The following PIP5K1A variants were observed in gnomAD, a reference collection of about 807,000 sequenced individuals.
The protein encoded by PIP5K1A is phosphatidylinositol-4-phosphate 5-kinase type 1 alpha, also known as phosphatidylinositol 4-phosphate 5-kinase type-1 alpha.
A neutral mutation model predicts 72.9 loss-of-function variants in PIP5K1A; 46 were observed. That is an observed-to-expected ratio of 0.63 (90% CI 0.50 to 0.81). PIP5K1A has a LOEUF of 0.81. Ranked by LOEUF, PIP5K1A falls within the 30% of genes least tolerant of loss-of-function variation. The pLI, the probability that PIP5K1A is intolerant of heterozygous loss-of-function variation, is 0.00. For missense variants in PIP5K1A, 458 were observed against 706.1 expected (o/e 0.65, Z 3.98); for synonymous variants, 228 against 255.1 (o/e 0.89, Z 1.01).
chr1:151,212,168 T>C (rs992614048), intron 1 of PIP5K1A, among the ~76,000 whole-genome samples: 2 of 152,010 alleles, frequency 1.3e-5, no homozygotes, highest in Non-Finnish European at 2.9e-5. Context: ...TTAAACATCT[T>C]TGTGGCTGGT....
upstream of PIP5K1A, among the ~76,000 whole-genome samples, chr1:151,197,789 T>A (rs908336741): frequency 6.6e-6 from 1 of 152,240 alleles, no homozygotes; most frequent in Non-Finnish European, 1.5e-5. Context: ...TTTTACAGTC[T>A]GCTCAGAGAG....
intron 8 of PIP5K1A, among the ~76,000 whole-genome samples, chr1:151,235,294 G>T (rs891776054): frequency 6.6e-6 from 1 of 151,940 alleles, no homozygotes; most frequent in Non-Finnish European, 1.5e-5. Flanking sequence ...CGTTGGTCCC[G>T]CTGGTTTCAA....
Position 151,208,719 on chromosome 1 carries a change from C to CTTTTTTT in PIP5K1A, c.85+9662_85+9668dup, listed in dbSNP as rs61545057. Among the ~76,000 whole-genome samples the CTTTTTTT allele has an allele frequency of 2.1e-3, 92 of 43,166 alleles. 22 individuals are homozygous for CTTTTTTT. Among genetic ancestry groups the CTTTTTTT allele is most frequent in the Non-Finnish European group, 3.5e-3 (80 of 23,044 alleles). The allele number at this position is 43,166 out of a possible 152,430, so 28.3% of individuals were successfully genotyped here. On this transcript the variant is annotated intron_variant, in intron 1 of 15. Transcript: ENST00000368888. The stretch of plus-strand genomic sequence containing the variant: ...TTATTAAGGATGTTGTAATGGTACG[C>CTTTTTTT]TTTTTTTTTTTTTTTTTTTTTTTTT...
intron 1 of PIP5K1A, 188 bp downstream of exon 1, chr1:151,199,269 G>A: frequency 8.2e-7 from 1 of 1,226,892 alleles, no homozygotes; most frequent in Non-Finnish European, 1.1e-6. Flanking sequence ...TGATTAAGAA[G>A]TTGTCGAAAA....
At chr1:151,219,850 CCTTTTTT>C (rs1202447636) in intron 1 of PIP5K1A, among the ~76,000 whole-genome samples, 1 of 97,834 alleles carries the variant, frequency 1.0e-5, no homozygotes, top group African/African-American at 3.8e-5. Context: ...CATATTCTTT[CCTTTTTT>C]TTTTTTTTTT....
chr1:151,204,356 T>C (rs918498127), intron 1 of PIP5K1A, among the ~76,000 whole-genome samples: 21 of 152,340 alleles, frequency 1.4e-4, no homozygotes, highest in Admixed American at 1.2e-3. Context: ...TTTGTATTTT[T>C]AGTAGAGACG....
At chr1:151,225,896 C>T (rs771541549) in intron 3 of PIP5K1A, among the ~76,000 whole-genome samples, 8 of 151,376 alleles carry the variant, frequency 5.3e-5, no homozygotes, top group Non-Finnish European at 1.0e-4. Flanking sequence ...CCCGCCTCAG[C>T]CTCCTGAGTA....
intron 1 of PIP5K1A, among the ~76,000 whole-genome samples, chr1:151,209,437 ATTTT>A (rs34643257): frequency 1.7e-5 from 2 of 118,196 alleles, no homozygotes. Context: ...TGCCTGGCTA[ATTTT>A]TTTTTTTTTT....
At chr1:151,231,841 G>T in intron 5 of PIP5K1A, 40 bp downstream of exon 5, 1 of 1,606,034 alleles carries the variant, frequency 6.2e-7, no homozygotes, top group Non-Finnish European at 8.5e-7. Context: ...CTGGAAATGT[G>T]GCCTTTTCAA....
chr1:151,238,298 G>A lies in PIP5K1A; in HGVS notation c.1229+33G>A, dbSNP rs766714398. 12 of 1,352,644 alleles carry A rather than the reference G, an allele frequency of 8.9e-6. No individual in the cohort carries two copies. The African/African-American group carries it at 1.7e-4, about 19-fold the overall frequency. The allele number at this position is 1,352,644 out of a possible 1,614,324, so 83.8% of individuals were successfully genotyped here. A position where few individuals can be genotyped will look rare whatever the true frequency, so the allele number is the denominator to read the frequency against. On this transcript the variant is annotated intron_variant, in intron 10 of 15. Transcript: ENST00000368888. ...GCATATGGATCCCAAATTAAGAGAG[G>A]GTGGATACAGATAACCAGTCACGTT... is the stretch of plus-strand genomic sequence containing the variant.
intron 3 of PIP5K1A, among the ~76,000 whole-genome samples, chr1:151,225,654 G>A (rs1399160024): frequency 6.6e-6 from 1 of 151,426 alleles, no homozygotes; most frequent in Non-Finnish European, 1.5e-5. Flanking sequence ...ATTTTTAGTA[G>A]AGGCAGGGTT....
chr1:151,218,796 G>T (rs1243477697), intron 1 of PIP5K1A, among the ~76,000 whole-genome samples: 2 of 130,880 alleles, frequency 1.5e-5, no homozygotes, highest in Non-Finnish European at 3.1e-5. Context: ...TCACACTACT[G>T]CACTCCAGCC....
At chr1:151,204,248 C>T (rs1259205917) in intron 1 of PIP5K1A, among the ~76,000 whole-genome samples, 1 of 152,174 alleles carries the variant, frequency 6.6e-6, no homozygotes, top group Non-Finnish European at 1.5e-5. Context: ...GCGATCTCGG[C>T]TCACTGTAAC....
intron 4 of PIP5K1A, among the ~76,000 whole-genome samples, chr1:151,230,565 A>G (rs924840830): frequency 2.0e-5 from 3 of 151,602 alleles, no homozygotes; most frequent in Admixed American, 2.0e-4. Context: ...TTTTTTTGAG[A>G]CAGTCTGGCT....
intron 1 of PIP5K1A, among the ~76,000 whole-genome samples, chr1:151,209,516 C>T (rs1251520459): frequency 1.3e-5 from 2 of 151,476 alleles, no homozygotes; most frequent in Non-Finnish European, 2.9e-5. Context: ...CTCTGCTCAC[C>T]GCAACCTCTG....
intron 1 of PIP5K1A, chr1:151,213,683 T>C (rs1416002640): frequency 1.3e-5 from 2 of 152,270 alleles, no homozygotes; most frequent in Non-Finnish European, 2.9e-5. Context: ...TATTTTTTCT[T>C]GTTCCTTATC....
chr1:151,197,404 G>T (rs1304210175), upstream of PIP5K1A, among the ~76,000 whole-genome samples: 4 of 151,594 alleles, frequency 2.6e-5, no homozygotes, highest in Non-Finnish European at 5.9e-5. Flanking sequence ...CCAGGCTCCC[G>T]AGTAGCCTGG....
At chr1:151,202,260 T>G (rs1264877972) in intron 1 of PIP5K1A, among the ~76,000 whole-genome samples, 7 of 152,182 alleles carry the variant, frequency 4.6e-5, no homozygotes. Flanking sequence ...ATTTCAGAGT[T>G]TCACCAAAAC....
chr1:151,231,615 ATTG>A (rs1690085807), intron 4 of PIP5K1A, 53 bp from the exon 5 acceptor site: 2 of 1,515,626 alleles, frequency 1.3e-6, no homozygotes, highest in Non-Finnish European at 1.8e-6. Context: ...CTGAATTTTT[ATTG>A]TTATGATCCT....
Sources: allele counts gnomAD v4.1 joint callset (sites outside exome capture counted in the v4.1 genomes callset), GRCh38; gene constraint gnomAD v4.1.1; transcripts MANE v1.5; gene names NCBI Gene and HGNC (gene_info 2026-07-23, HGNC 2026-07-21).